The following RIMS2 variants were observed in gnomAD, a reference collection of about 807,000 sequenced individuals.
The protein encoded by RIMS2 is regulating synaptic membrane exocytosis protein 2.
In RIMS2, 59 loss-of-function variants were observed where a neutral mutation model predicts 174.4. That is an observed-to-expected ratio of 0.34 (90% CI 0.27 to 0.42). RIMS2 has a LOEUF of 0.42. RIMS2 is among the 10% of genes least tolerant of loss of function. The pLI, the probability that RIMS2 is intolerant of heterozygous loss-of-function variation, is 1.00. For synonymous variants in RIMS2, 606 were observed against 572.5 expected, an observed-to-expected ratio of 1.06 and a Z score of -0.84; for missense variants, 1,620 against 1,666.3, an observed-to-expected ratio of 0.97 and a Z score of 0.48.
intron 14 of RIMS2, among the ~76,000 whole-genome samples, chr8:103,945,014 C>G (rs1184073715): frequency 6.6e-6 from 1 of 152,038 alleles, no homozygotes; most frequent in Non-Finnish European, 1.5e-5. Flanking sequence ...ATGTTATAAA[C>G]TCCTTTGATG....
chr8:103,887,463 C>A (rs186644906), intron 4 of RIMS2, among the ~76,000 whole-genome samples: 1 of 151,134 alleles, frequency 6.6e-6, no homozygotes, highest in Admixed American at 6.6e-5. Context: ...GCTCTTTATT[C>A]GCTTCCAAAT....
At chr8:103,833,495 T>G (rs1209010712) in intron 3 of RIMS2, among the ~76,000 whole-genome samples, 1 of 152,100 alleles carries the variant, frequency 6.6e-6, no homozygotes, top group Non-Finnish European at 1.5e-5. Context: ...ATTTTTCTTT[T>G]GATTTCTCAG....
intron 2 of RIMS2, among the ~76,000 whole-genome samples, chr8:103,755,987 C>T (rs189914348): frequency 3.0e-4 from 46 of 152,270 alleles, no homozygotes; most frequent in African/African-American, 1.1e-3. Flanking sequence ...GGGCTGCAAT[C>T]CCTTGGCGGC....
intron 2 of RIMS2, among the ~76,000 whole-genome samples, chr8:103,730,990 C>T (rs2097585125): frequency 6.6e-6 from 1 of 152,162 alleles, no homozygotes; most frequent in African/African-American, 2.4e-5. Context: ...AGCAAAGTCA[C>T]ATCTTACATG....
chr8:103,576,295 A>G (rs1024808317), intron 1 of RIMS2, among the ~76,000 whole-genome samples: 3 of 152,254 alleles, frequency 2.0e-5, no homozygotes. Flanking sequence ...GAAAAAACAA[A>G]CAACCATAAG....
chr8:103,959,764 A>C (rs1202657326), intron 14 of RIMS2, among the ~76,000 whole-genome samples: 1 of 152,060 alleles, frequency 6.6e-6, no homozygotes, highest in Non-Finnish European at 1.5e-5. Flanking sequence ...CAATTTGATA[A>C]GCACCCTCTT....
chr8:103,834,708 CTT>C (rs749461624), intron 3 of RIMS2, among the ~76,000 whole-genome samples: 1 of 131,110 alleles, frequency 7.6e-6, no homozygotes, highest in Non-Finnish European at 1.6e-5. Flanking sequence ...TTCTTTCTTT[CTT>C]TCTTTCTTTC....
intron 3 of RIMS2, among the ~76,000 whole-genome samples, chr8:103,879,138 A>G (rs576270456): frequency 6.6e-6 from 1 of 151,822 alleles, no homozygotes; most frequent in South Asian, 2.1e-4. Context: ...TTGGAGCCCT[A>G]GAAAGATCAG....
At chr8:104,245,666 T>C (rs1404055174) in intron 20 of RIMS2, among the ~76,000 whole-genome samples, 4 of 152,192 alleles carry the variant, frequency 2.6e-5, no homozygotes, top group African/African-American at 9.6e-5. Flanking sequence ...ACTTAGCAAC[T>C]AAAGATCTGG....
chr8:103,814,931 CTATTT>C (rs1237332438), intron 3 of RIMS2, among the ~76,000 whole-genome samples: 1 of 152,128 alleles, frequency 6.6e-6, no homozygotes, highest in Admixed American at 6.6e-5. Flanking sequence ...TAATAATCTA[CTATTT>C]TATTTACTTG....
At chr8:103,836,831 C>T (rs1043970818) in intron 3 of RIMS2, among the ~76,000 whole-genome samples, 1 of 152,140 alleles carries the variant, frequency 6.6e-6, no homozygotes, top group Non-Finnish European at 1.5e-5. Context: ...TCCCATGAAA[C>T]ACACACAGCT....
At chr8:103,648,880 T>C (rs2096395399) in intron 1 of RIMS2, among the ~76,000 whole-genome samples, 1 of 152,212 alleles carries the variant, frequency 6.6e-6, no homozygotes, top group Non-Finnish European at 1.5e-5. Flanking sequence ...CAGTGGGTCT[T>C]GGCTTTTTAT....
Position 104,069,792 on chromosome 8 carries a change from C to A in RIMS2, c.3334+55177C>A, listed in dbSNP as rs571582270. Among the ~76,000 whole-genome samples, 20 of 152,096 alleles carry A rather than the reference C, an allele frequency of 1.3e-4. No homozygotes were observed. The South Asian group carries it at 4.2e-3, about 32-fold the overall frequency. On this transcript the variant is annotated intron_variant, in intron 19 of 23. Coordinates refer to ENST00000504942, the Ensembl canonical transcript of RIMS2. ...TTTCATTGTTCTTGTACTCCATTAC[C>A]TTTTTATATTCAAGACATTTTTAGT...
chr8:103,514,001 T>C (rs1827814554), intron 1 of RIMS2, among the ~76,000 whole-genome samples: 1 of 150,002 alleles, frequency 6.7e-6, no homozygotes, highest in African/African-American at 2.5e-5. Context: ...AACGTATCAG[T>C]GTTTCCCTAT....
intron 1 of RIMS2, among the ~76,000 whole-genome samples, chr8:103,586,292 A>T (rs998154194): frequency 6.6e-6 from 1 of 152,232 alleles, no homozygotes; most frequent in African/African-American, 2.4e-5. Flanking sequence ...GCTGCAGAAT[A>T]CACATTCTTT....
chr8:104,075,727 C>A (rs1214362525), intron 19 of RIMS2, among the ~76,000 whole-genome samples: 1 of 152,160 alleles, frequency 6.6e-6, no homozygotes, highest in Non-Finnish European at 1.5e-5. Context: ...AATCAGTGAA[C>A]CTGCTGATAT....
intron 1 of RIMS2, among the ~76,000 whole-genome samples, chr8:103,618,867 C>T (rs1264741724): frequency 6.6e-6 from 1 of 152,088 alleles, no homozygotes; most frequent in African/African-American, 2.4e-5. Context: ...CCTATTTTCA[C>T]TCGTGGTTGC....
chr8:104,056,398 C>G (rs1282171161), intron 19 of RIMS2, among the ~76,000 whole-genome samples: 1 of 141,876 alleles, frequency 7.0e-6, no homozygotes, highest in Admixed American at 6.8e-5. Context: ...AGTGAGACTC[C>G]ATCTTAAAAA....
At chr8:103,893,959 G>A (rs2099262872) in intron 4 of RIMS2, among the ~76,000 whole-genome samples, 1 of 152,012 alleles carries the variant, frequency 6.6e-6, no homozygotes, top group African/African-American at 2.4e-5. Context: ...GTCAAGAAAG[G>A]ATAAGGAAAG....
Sources: gnomAD v4.1 joint callset for allele counts (sites outside exome capture counted in the v4.1 genomes callset) on GRCh38, gnomAD v4.1.1 for gene constraint, MANE v1.5 for transcripts, NCBI Gene and HGNC (gene_info 2026-07-23, HGNC 2026-07-21) for gene names.